Variants in NDUFC1 observed in about 807,000 individuals in gnomAD.
The protein encoded by NDUFC1 is NADH dehydrogenase [ubiquinone] 1 subunit C1, mitochondrial.
A neutral mutation model predicts 11.6 loss-of-function variants in NDUFC1; 11 were observed. The observed-to-expected ratio is 0.95, with a 90% confidence interval of 0.60 to 1.58. NDUFC1 has a LOEUF of 1.58. Ranked by LOEUF, NDUFC1 falls within the 40% of genes most tolerant of loss-of-function variation. The probability of loss-of-function intolerance (pLI) is 0.00; values close to 1 mark genes in which losing one functional copy is unlikely to be tolerated. For missense variants in NDUFC1, 112 were observed against 93.0 expected (o/e 1.20, Z -0.84); for synonymous variants, 52 against 42.2 (o/e 1.23, Z -0.90).
chr4:139,295,255 T>C (rs918801141), intron 3 of NDUFC1, 109 bp from the exon 4 acceptor site: 21 of 823,694 alleles, frequency 2.5e-5, no homozygotes, highest in Non-Finnish European at 3.8e-5. Flanking sequence ...AACTCCCCCA[T>C]CTCCCACTTA....
At chr4:139,301,919 G>C in intron 1 of NDUFC1, 4 of 1,397,206 alleles carry the variant, frequency 2.9e-6, no homozygotes, top group Non-Finnish European at 3.9e-6. Flanking sequence ...CGGGCACTGA[G>C]CCACTCCCGC....
chr4:139,295,306 C>G (rs1202766156), intron 3 of NDUFC1, among the ~76,000 whole-genome samples, 160 bp from the exon 4 acceptor site: 2 of 152,200 alleles, frequency 1.3e-5, no homozygotes, highest in Non-Finnish European at 2.9e-5. Flanking sequence ...TCAAGTACCT[C>G]GCCCAGGGCC....
intron 5 of NDUFC1, among the ~76,000 whole-genome samples, chr4:139,291,840 TC>T (rs941922712): frequency 6.6e-6 from 1 of 151,754 alleles, no homozygotes; most frequent in African/African-American, 2.4e-5. Flanking sequence ...TTGGGTTCAT[TC>T]TTTTTTTTTT....
At chr4:139,289,923 C>A (rs1226684361), downstream of NDUFC1, 2 of 152,196 alleles carry the variant, frequency 1.3e-5, no homozygotes, top group East Asian at 3.8e-4. Flanking sequence ...CAAGTTGTCA[C>A]AATATGCTTT....
At chr4:139,292,728 G>A in intron 4 of NDUFC1, 119 bp from the exon 5 acceptor site, 2 of 540,770 alleles carry the variant, frequency 3.7e-6, no homozygotes, top group Middle Eastern at 5.1e-4. Context: ...AAGGCTAAGA[G>A]ATCCAAAAGT....
intron 5 of NDUFC1, among the ~76,000 whole-genome samples, chr4:139,291,182 C>G (rs1372944855): frequency 6.6e-6 from 1 of 151,250 alleles, no homozygotes; most frequent in Non-Finnish European, 1.5e-5. Context: ...GCAGAATAAA[C>G]TATCTTGTTC....
intron 5 of NDUFC1, among the ~76,000 whole-genome samples, chr4:139,291,499 T>C (rs574259686): frequency 1.3e-5 from 2 of 151,898 alleles, no homozygotes; most frequent in African/African-American, 2.4e-5. Context: ...TGCTTGAACC[T>C]GGGAGGCGGA....
intron 2 of NDUFC1, among the ~76,000 whole-genome samples, chr4:139,297,047 G>C (rs1277470593): frequency 6.6e-6 from 1 of 152,288 alleles, no homozygotes. Context: ...AACCTAGTTT[G>C]AGCCTCCTGG....
At chr4:139,292,089 G>A (rs768524389) in intron 5 of NDUFC1, among the ~76,000 whole-genome samples, 2 of 152,030 alleles carry the variant, frequency 1.3e-5, no homozygotes, top group Non-Finnish European at 2.9e-5. Context: ...CACCCGCCTC[G>A]GCCTCCCAAA....
At chr4:139,297,740 T>C (rs1745528549) in intron 1 of NDUFC1, among the ~76,000 whole-genome samples, 1 of 152,220 alleles carries the variant, frequency 6.6e-6, no homozygotes. Flanking sequence ...TTTTTATTGA[T>C]ACAGCATGCA....
At chr4:139,290,933 C>T (rs776547260) in intron 5 of NDUFC1, among the ~76,000 whole-genome samples, 12 of 151,732 alleles carry the variant, frequency 7.9e-5, no homozygotes, top group Non-Finnish European at 1.8e-4. Context: ...CTCAGCCTCC[C>T]AAAGTAGCTG....
Position 139,301,669 on chromosome 4 carries a change from G to A in NDUFC1, c.-222+747C>T, listed in dbSNP as rs889428340. On this transcript the variant is annotated intron_variant, in intron 1 of 5. Coordinates refer to ENST00000394223, the MANE Select transcript of NDUFC1 (RefSeq NM_001184989.2). ...ACACCCGAGGCCTGGTGGTGGCGGC[G>A]GATCGAGATATTCAAGGCTGAAGCA... 5 of 1,290,644 alleles carry A rather than the reference G, an allele frequency of 3.9e-6. No homozygotes were observed. In the Admixed American group the frequency reaches 1.1e-4, roughly 29 times the overall value. The allele number at this position is 1,290,644 out of a possible 1,614,324, so 79.9% of individuals were successfully genotyped here.
At chr4:139,291,694 C>T (rs911667314) in intron 5 of NDUFC1, among the ~76,000 whole-genome samples, 2 of 152,154 alleles carry the variant, frequency 1.3e-5, no homozygotes, top group Admixed American at 1.3e-4. Flanking sequence ...GGTTTCTGTT[C>T]TCATGGAATT....
chr4:139,299,406 T>G (rs1021676083), intron 1 of NDUFC1, among the ~76,000 whole-genome samples: 1 of 152,194 alleles, frequency 6.6e-6, no homozygotes, highest in Non-Finnish European at 1.5e-5. Context: ...ATGATTTTAT[T>G]TCTTTCTTTT....
At chr4:139,294,492 T>G (rs888715708) in intron 4 of NDUFC1, among the ~76,000 whole-genome samples, 23 of 150,950 alleles carry the variant, frequency 1.5e-4, no homozygotes, top group African/African-American at 5.4e-4. Flanking sequence ...ATCAGAACAC[T>G]TTGGGAGGCC....
intron 5 of NDUFC1, among the ~76,000 whole-genome samples, chr4:139,290,956 C>T (rs1208913896): frequency 6.6e-5 from 10 of 151,436 alleles, no homozygotes; most frequent in Non-Finnish European, 1.2e-4. Flanking sequence ...ACTACGGGCG[C>T]GCACCACCAT....
intron 1 of NDUFC1, among the ~76,000 whole-genome samples, chr4:139,297,867 T>C (rs1193483863): frequency 6.6e-6 from 1 of 152,162 alleles, no homozygotes; most frequent in African/African-American, 2.4e-5. Context: ...AGGTCAAGAC[T>C]GGCCTGTGCA....
intron 5 of NDUFC1, among the ~76,000 whole-genome samples, 190 bp downstream of exon 5, chr4:139,292,340 T>TCCCC (rs933211360): frequency 8.1e-4 from 120 of 149,018 alleles, no homozygotes; most frequent in African/African-American, 2.6e-3. Flanking sequence ...AAAAACCCCA[T>TCCCC]CCCCCCCAAA....
At chr4:139,301,862 G>C in intron 1 of NDUFC1, 1 of 1,573,768 alleles carries the variant, frequency 6.4e-7, no homozygotes, top group Non-Finnish European at 8.6e-7. Flanking sequence ...AAGCGGTGGG[G>C]AGGATTTAGC....
Sources: gnomAD v4.1 joint callset for allele counts (sites outside exome capture counted in the v4.1 genomes callset) on GRCh38, gnomAD v4.1.1 for gene constraint, MANE v1.5 for transcripts, NCBI Gene and HGNC (gene_info 2026-07-23, HGNC 2026-07-21) for gene names.